Variants in CCDC39 observed in about 807,000 individuals in gnomAD.
CCDC39 encodes coiled-coil domain 39 molecular ruler complex subunit, also known as coiled-coil domain-containing protein 39.
CCDC39 carries 113 observed loss-of-function variants against 121.0 expected under a neutral mutation model. That is an observed-to-expected ratio of 0.93 (90% CI 0.80 to 1.09). The LOEUF (loss-of-function observed/expected upper bound fraction) is 1.09. CCDC39 is among the 50% of genes least tolerant of loss of function. The pLI is 0.00. For synonymous variants in CCDC39, 349 were observed against 352.2 expected, an observed-to-expected ratio of 0.99 and a Z score of 0.10; for missense variants, 1,063 against 1,074.7, an observed-to-expected ratio of 0.99 and a Z score of 0.15.
At chr3:180,651,265 A>G in intron 9 of CCDC39, 136 bp downstream of exon 9, 1 of 667,888 alleles carries the variant, frequency 1.5e-6, no homozygotes. Context: ...GAGGTCCAAA[A>G]CCAGATTATA....
At chr3:180,678,934 C>A (rs1046590657) in intron 1 of CCDC39, among the ~76,000 whole-genome samples, 1 of 152,086 alleles carries the variant, frequency 6.6e-6, no homozygotes, top group African/African-American at 2.4e-5. Flanking sequence ...CTCAGAAATT[C>A]TTTTCCAAGT....
Position 180,679,255 on chromosome 3 carries a change from T to A in CCDC39, c.90+36A>T. The A allele has an allele frequency of 6.4e-7, 1 of 1,569,998 alleles. No homozygotes were observed. Among genetic ancestry groups the A allele is most frequent in the Non-Finnish European group, 8.8e-7 (1 of 1,139,726 alleles). On this transcript the variant is annotated intron_variant, in intron 1 of 19. Coordinates refer to ENST00000476379, the MANE Select transcript of CCDC39 (RefSeq NM_181426.2). This position sits in a 1 kb window ranked among gnomAD's most constrained non-coding sequence, Gnocchi z 4.0. ...ACCAGAAAACGCCCCCAACAGGCTC[T>A]CTCTGCTTCCTCCCGCCTGCTTCAA...
chr3:180,614,938 T>C lies in CCDC39; in HGVS notation c.2809A>G (p.Lys937Glu). 6.4e-7 allele frequency: 1 copy of C among 1,564,400 alleles called. No homozygotes were observed. Reference sequence around the variant, plus strand: ...TAAAATGTTTATTTGCTGCTCTTTTTGCTCTTAACATTACTAGAGCTACTA... The same window carrying C: ...TAAAATGTTTATTTGCTGCTCTTTTCGCTCTTAACATTACTAGAGCTACTA... ...ASSSSSNVKS[K>E]KSSK Residue 937 changes from lysine to glutamate, a missense_variant, in exon 20 of 20, where the codon AAA (lysine) becomes GAA (glutamate). Coordinates refer to ENST00000476379, the MANE Select transcript of CCDC39 (RefSeq NM_181426.2).
chr3:180,673,299 A>G (rs1354273966), intron 1 of CCDC39, among the ~76,000 whole-genome samples: 1 of 152,180 alleles, frequency 6.6e-6, no homozygotes, highest in Non-Finnish European at 1.5e-5. Context: ...CTACAGAAAA[A>G]TCTTTCATGA....
chr3:180,638,844 AC>A (rs765726513), intron 13 of CCDC39, among the ~76,000 whole-genome samples: 4 of 152,166 alleles, frequency 2.6e-5, no homozygotes, highest in Non-Finnish European at 4.4e-5. Context: ...TTCAGTAAAA[AC>A]AATGAAAAGC....
intron 13 of CCDC39, among the ~76,000 whole-genome samples, chr3:180,633,001 A>G (rs1001325897): frequency 6.6e-6 from 1 of 152,220 alleles, no homozygotes; most frequent in Non-Finnish European, 1.5e-5. Flanking sequence ...GTGGAAGTAA[A>G]TGAAAAAGAA....
Position 180,679,322 on chromosome 3 carries a change from GC to G in CCDC39, c.58del (p.Ala20ArgfsTer15). 1 of 1,613,756 alleles carries G rather than the reference GC, an allele frequency of 6.2e-7. No individual in the cohort carries two copies. The highest frequency in any genetic ancestry group is 1.1e-5 in the South Asian group (1 of 91,068). On this transcript the variant is annotated frameshift_variant, in exon 1 of 20. Transcript: ENST00000476379. LOFTEE classifies it high-confidence loss of function. The surrounding 1 kb of genome is among the most constrained non-coding windows in gnomAD (Gnocchi z 4.0). ...HWEDGFAIPV[A>X]NEENKLLEDQ... ...TTCCAGTAGCTTGTTCTCCTCGTTC[GC>G]CACCGGGATGGCGAACCCATCCTCC...
At chr3:180,677,875 T>C (rs1712279763) in intron 1 of CCDC39, among the ~76,000 whole-genome samples, 1 of 152,192 alleles carries the variant, frequency 6.6e-6, no homozygotes, top group Admixed American at 6.5e-5. Context: ...TGTTTGAATA[T>C]CTTAAATTTA....
intron 16 of CCDC39, chr3:180,617,407 C>A: frequency 1.5e-6 from 1 of 655,860 alleles, no homozygotes; most frequent in Non-Finnish European, 2.8e-6. Flanking sequence ...AAAAAGTTAA[C>A]TATAAAACAG....
Position 180,659,469 on chromosome 3 carries a change from TG to T in CCDC39, c.720del (p.Asp240GlufsTer2), listed in dbSNP as rs762298858. 1 of 1,613,524 alleles carries T rather than the reference TG, an allele frequency of 6.2e-7. No individual in the cohort carries two copies. The highest frequency in any genetic ancestry group is 2.2e-5 in the East Asian group (1 of 44,778). On this transcript the variant is annotated frameshift_variant, in exon 6 of 20. Coordinates refer to ENST00000476379, the MANE Select transcript of CCDC39 (RefSeq NM_181426.2). LOFTEE classifies it high-confidence loss of function. ...TIEQMQKRDG[D>X]IDNCALELAR... ...TACTTTACCAAAGCACAGTTATCTA[TG>T]TCTCCATCCCTCTTCTGCATCTGTT...
intron 1 of CCDC39, among the ~76,000 whole-genome samples, chr3:180,675,073 A>G (rs1416834617): frequency 2.0e-5 from 3 of 152,104 alleles, no homozygotes; most frequent in Non-Finnish European, 4.4e-5. Context: ...TCCTCCTTGT[A>G]CCTCTGGTAA....
At chr3:180,631,003 C>T (rs16831783) in intron 14 of CCDC39, among the ~76,000 whole-genome samples, 5,916 of 152,214 alleles carry the variant, frequency 0.039, 363 homozygotes, top group African/African-American at 0.13. Flanking sequence ...TAAAGGAAAG[C>T]TTTAAGCCTC....
chr3:180,673,330 G>A (rs79381693), intron 1 of CCDC39, among the ~76,000 whole-genome samples: 1,996 of 152,208 alleles, frequency 0.013, 35 homozygotes, highest in African/African-American at 0.045. Context: ...CTGTTGATGC[G>A]GCAAAGTTCA....
intron 1 of CCDC39, among the ~76,000 whole-genome samples, chr3:180,674,053 G>C (rs557606293): frequency 6.6e-6 from 1 of 152,042 alleles, no homozygotes; most frequent in African/African-American, 2.4e-5. Flanking sequence ...CATTGAATCT[G>C]TAAATTACCT....
intron 6 of CCDC39, among the ~76,000 whole-genome samples, chr3:180,657,542 G>T (rs1159170773): frequency 6.6e-6 from 1 of 152,098 alleles, no homozygotes; most frequent in African/African-American, 2.4e-5. Context: ...AAATCAGACA[G>T]AAATAACATC....
Position 180,627,039 on chromosome 3 carries a change from G to A in CCDC39, c.1998+4430C>T, listed in dbSNP as rs796211571. ...GCAGTGAAAATGCTATGGGCCCATG[G>A]CCAGAGAGGTTGTGGTTCCTCTCAG... On this transcript the variant is annotated intron_variant, in intron 14 of 19. Transcript: ENST00000476379. Among the ~76,000 whole-genome samples, 20 of 152,280 alleles carry A rather than the reference G, an allele frequency of 1.3e-4. 2 individuals are homozygous for A. Among genetic ancestry groups the A allele is most frequent in the African/African-American group, 4.8e-4 (20 of 41,562 alleles).
chr3:180,631,031 T>C (rs1307946153), intron 14 of CCDC39, among the ~76,000 whole-genome samples: 1 of 152,192 alleles, frequency 6.6e-6, no homozygotes, highest in Non-Finnish European at 1.5e-5. Flanking sequence ...GAACAGGTTG[T>C]CACATGCATA....
chr3:180,645,015 G>A (rs1718038448), intron 11 of CCDC39, among the ~76,000 whole-genome samples: 1 of 152,102 alleles, frequency 6.6e-6, no homozygotes, highest in Non-Finnish European at 1.5e-5. Context: ...AAACCATAGG[G>A]TGCTGGTTAA....
intron 11 of CCDC39, among the ~76,000 whole-genome samples, chr3:180,644,947 G>C (rs570992231): frequency 2.0e-5 from 3 of 152,030 alleles, no homozygotes; most frequent in Admixed American, 1.3e-4. Context: ...CTCCCATATT[G>C]GAGTTCATTG....
Sources: allele counts gnomAD v4.1 joint callset (sites outside exome capture counted in the v4.1 genomes callset), GRCh38; gene constraint gnomAD v4.1.1; non-coding constraint Gnocchi (gnomAD v3.1); transcripts MANE v1.5; gene names NCBI Gene and HGNC (gene_info 2026-07-23, HGNC 2026-07-21).